MLIP: variants seen among roughly 807,000 people sequenced by gnomAD.
MLIP encodes the protein muscular LMNA-interacting protein.
MLIP carries 79 observed loss-of-function variants against 84.8 expected under a neutral mutation model. That is an observed-to-expected ratio of 0.93 (90% CI 0.78 to 1.12). The LOEUF (loss-of-function observed/expected upper bound fraction) is 1.12. Among genes scored for constraint, MLIP ranks in the 50% most tolerant of loss-of-function variants. The pLI is 0.00. For missense variants in MLIP, 1,257 were observed against 1,160.6 expected (o/e 1.08, Z -1.21); for synonymous variants, 504 against 463.0 (o/e 1.09, Z -1.14).
intron 9 of MLIP, among the ~76,000 whole-genome samples, chr6:54,187,711 A>C (rs1208485329): frequency 3.3e-5 from 5 of 152,324 alleles, no homozygotes; most frequent in Admixed American, 6.5e-5. Context: ...CCCAAAATAC[A>C]GTCATGCTTT....
intron 1 of MLIP, among the ~76,000 whole-genome samples, chr6:54,102,471 A>C (rs1262674730): frequency 6.6e-6 from 1 of 152,120 alleles, no homozygotes; most frequent in East Asian, 1.9e-4. Flanking sequence ...CCTCTCACAC[A>C]ACCCTCTGAT....
chr6:54,195,831 C>T (rs1778255686), intron 10 of MLIP, among the ~76,000 whole-genome samples: 1 of 152,064 alleles, frequency 6.6e-6, no homozygotes, highest in Non-Finnish European at 1.5e-5. Flanking sequence ...CTTGAATTCT[C>T]TAAAAAAGAT....
chr6:54,227,530 G>T (rs532005558), intron 11 of MLIP, among the ~76,000 whole-genome samples: 1 of 152,272 alleles, frequency 6.6e-6, no homozygotes, highest in African/African-American at 2.4e-5. Flanking sequence ...ACGCCAAAGC[G>T]CATACTGGGG....
chr6:54,145,064 T>A (rs1184636841), intron 4 of MLIP, among the ~76,000 whole-genome samples: 2 of 152,214 alleles, frequency 1.3e-5, no homozygotes, highest in Non-Finnish European at 2.9e-5. Flanking sequence ...TAAGAAATAT[T>A]TTTTAAATGT....
upstream of MLIP, chr6:54,111,397 G>A (rs74791049): frequency 3.0e-3 from 4,590 of 1,507,674 alleles, 7 homozygotes; most frequent in Non-Finnish European, 3.7e-3. Flanking sequence ...TTCTTTCTGC[G>A]TGAGTGTGTG....
At chr6:54,195,022 G>A (rs1338362426) in intron 10 of MLIP, among the ~76,000 whole-genome samples, 3 of 151,930 alleles carry the variant, frequency 2.0e-5, no homozygotes, top group African/African-American at 7.3e-5. Context: ...AGTAAATCAG[G>A]TAAATAATCT....
Position 54,219,370 on chromosome 6 carries a change from CTTT to C in MLIP, c.2719-11328_2719-11326del, listed in dbSNP as rs5876371. On this transcript the variant is annotated intron_variant, in intron 11 of 13. Transcript: ENST00000502396. Reference sequence around the variant, plus strand: ...TTCTTTTTTTTTTTTACATTTTAAACTTTTTTTTTTTTTTTTTTCTCAGACACA... The same window carrying C: ...TTCTTTTTTTTTTTTACATTTTAAACTTTTTTTTTTTTTTTCTCAGACACA... 5.1e-3 allele frequency among the ~76,000 whole-genome samples: 396 copies of C among 77,508 alleles called. 2 individuals are homozygous for C. Among genetic ancestry groups the C allele is most frequent in the African/African-American group, 0.016 (372 of 22,552 alleles). 50.8% of individuals were successfully genotyped at this position (77,508 alleles called of 152,430 possible).
chr6:54,051,360 A>G (rs1765364696), intron 1 of MLIP, among the ~76,000 whole-genome samples: 1 of 152,000 alleles, frequency 6.6e-6, no homozygotes, highest in Admixed American at 6.6e-5. Context: ...TTCAAATATT[A>G]ATTTTTTCTT....
At chr6:54,059,155 G>T (rs1765822505) in intron 1 of MLIP, among the ~76,000 whole-genome samples, 1 of 152,166 alleles carries the variant, frequency 6.6e-6, no homozygotes, top group African/African-American at 2.4e-5. Flanking sequence ...TACCTAGCTT[G>T]CATGCTTTCC....
chr6:54,252,052 T>G (rs1417657973), intron 12 of MLIP, among the ~76,000 whole-genome samples: 1 of 94,334 alleles, frequency 1.1e-5, no homozygotes, highest in African/African-American at 4.7e-5. Context: ...ATATATAATA[T>G]AAATATATAT....
At chr6:54,108,298 C>T (rs1769168084), upstream of MLIP, among the ~76,000 whole-genome samples, 1 of 152,122 alleles carries the variant, frequency 6.6e-6, no homozygotes, top group Admixed American at 6.5e-5. Flanking sequence ...CTTGGGCAGA[C>T]CATAGATGAC....
At chr6:54,098,330 CTTTTTTTT>C (rs11418224) in intron 1 of MLIP, among the ~76,000 whole-genome samples, 1 of 116,284 alleles carries the variant, frequency 8.6e-6, no homozygotes, top group African/African-American at 3.4e-5. Flanking sequence ...TTTTTAATTT[CTTTTTTTT>C]TTTTTTTTTG....
At chr6:54,263,746 G>C (rs1582664290) in intron 13 of MLIP, among the ~76,000 whole-genome samples, 1 of 151,830 alleles carries the variant, frequency 6.6e-6, no homozygotes, top group Non-Finnish European at 1.5e-5. Context: ...TTTTGAGTTT[G>C]ACTGTGTTCC....
rs957857063 is a variant in MLIP, at chr6:54,217,189, C to T, written c.2719-13525C>T. The T allele has an allele frequency of 2.8e-5, 28 of 985,266 alleles. No homozygotes were observed. In the East Asian group the frequency reaches 1.5e-3, roughly 52 times the overall value. The allele number at this position is 985,266 out of a possible 1,614,324, so 61.0% of individuals were successfully genotyped here. On this transcript the variant is annotated intron_variant, in intron 11 of 13. Coordinates refer to ENST00000502396, the MANE Select transcript of MLIP (RefSeq NM_001281747.2). ...GGTGTCTTGTACTCAGACAGAAAACCGCAGCGTGAAGAGGGGACAGCATGA... is the reference window on the plus strand; with the variant it reads ...GGTGTCTTGTACTCAGACAGAAAACTGCAGCGTGAAGAGGGGACAGCATGA...
intron 10 of MLIP, among the ~76,000 whole-genome samples, chr6:54,201,626 C>T (rs533275894): frequency 6.6e-6 from 1 of 152,254 alleles, no homozygotes; most frequent in African/African-American, 2.4e-5. Flanking sequence ...CAGAAAGCCA[C>T]CTCAGTTCAT....
chr6:54,035,006 T>C (rs905969562), intron 1 of MLIP, among the ~76,000 whole-genome samples: 2 of 152,194 alleles, frequency 1.3e-5, no homozygotes, highest in African/African-American at 4.8e-5. Context: ...GCCTATAGTA[T>C]TCAGTACAGT....
intron 11 of MLIP, among the ~76,000 whole-genome samples, chr6:54,207,693 T>A (rs1465243373): frequency 6.6e-6 from 1 of 152,204 alleles, no homozygotes; most frequent in Non-Finnish European, 1.5e-5. Context: ...ATATGTAGTG[T>A]CTGTTAATAT....
chr6:54,219,698 C>T (rs1780097451), intron 11 of MLIP, among the ~76,000 whole-genome samples: 1 of 152,120 alleles, frequency 6.6e-6, no homozygotes, highest in Non-Finnish European at 1.5e-5. Context: ...AGATTCTAAG[C>T]TTTGCTGATT....
intron 1 of MLIP, among the ~76,000 whole-genome samples, chr6:54,035,370 G>T (rs1054421458): frequency 3.3e-5 from 5 of 152,112 alleles, no homozygotes; most frequent in Non-Finnish European, 7.4e-5. Flanking sequence ...GTCCAGTGAG[G>T]AATATTTGTG....
Sources: allele counts gnomAD v4.1 joint callset (sites outside exome capture counted in the v4.1 genomes callset), GRCh38; gene constraint gnomAD v4.1.1; transcripts MANE v1.5; gene names NCBI Gene and HGNC (gene_info 2026-07-23, HGNC 2026-07-21).